Variants in DNAJC11 observed in about 807,000 individuals in gnomAD.
The protein encoded by DNAJC11 is DnaJ heat shock protein family (Hsp40) member C11, also known as dnaJ homolog subfamily C member 11.
A neutral mutation model predicts 78.6 loss-of-function variants in DNAJC11; 15 were observed. That is an observed-to-expected ratio of 0.19 (90% CI 0.13 to 0.29). The LOEUF (loss-of-function observed/expected upper bound fraction) is 0.29. Among genes scored for constraint, DNAJC11 ranks in the 10% least tolerant of loss-of-function variants. The pLI, the probability that DNAJC11 is intolerant of heterozygous loss-of-function variation, is 1.00. For missense variants in DNAJC11, 547 were observed against 709.6 expected, an observed-to-expected ratio of 0.77 and a Z score of 2.60; for synonymous variants, 292 against 272.1, an observed-to-expected ratio of 1.07 and a Z score of -0.72.
intron 4 of DNAJC11, among the ~76,000 whole-genome samples, chr1:6,661,513 T>C (rs950325490): frequency 8.9e-5 from 12 of 135,414 alleles, no homozygotes; most frequent in Non-Finnish European, 4.8e-5. Context: ...TCTATCCCGA[T>C]TGCCAAGACC....
intron 7 of DNAJC11, among the ~76,000 whole-genome samples, chr1:6,647,548 G>A (rs1221664627): frequency 6.6e-6 from 1 of 152,130 alleles, no homozygotes; most frequent in African/African-American, 2.4e-5. Flanking sequence ...GGCCGGGCGC[G>A]GTGGCTCACG....
chr1:6,656,685 C>T (rs1642131354), intron 4 of DNAJC11, among the ~76,000 whole-genome samples: 1 of 150,266 alleles, frequency 6.7e-6, no homozygotes, highest in East Asian at 1.9e-4. Flanking sequence ...TCGAGACCAG[C>T]CTAGGCAACA....
At chr1:6,654,114 C>A in intron 4 of DNAJC11, 75 bp from the exon 5 acceptor site, 1 of 1,558,624 alleles carries the variant, frequency 6.4e-7, no homozygotes, top group Admixed American at 1.7e-5. Context: ...ACTTCAACAG[C>A]CAGCTCGCTT....
intron 14 of DNAJC11, among the ~76,000 whole-genome samples, chr1:6,636,939 CCT>C (rs941838479): frequency 2.0e-5 from 3 of 152,198 alleles, no homozygotes; most frequent in African/African-American, 4.8e-5. Flanking sequence ...GCCTCAACCT[CCT>C]GGGCTCAACC....
chr1:6,644,523 C>A, intron 10 of DNAJC11, 35 bp downstream of exon 10: 1 of 1,408,508 alleles, frequency 7.1e-7, no homozygotes, highest in South Asian at 1.1e-5. Flanking sequence ...AGGTGACAGG[C>A]ATTCCTTGAC....
Position 6,640,012 on chromosome 1 carries a change from C to T in DNAJC11, c.1143G>A (p.Thr381=), listed in dbSNP as rs772623731. The T allele has an allele frequency of 7.5e-6, 12 of 1,604,714 alleles. No homozygotes were observed. The highest frequency in any genetic ancestry group is 4.1e-5 in the African/African-American group (3 of 72,420). ...ACATGGCGCTGGGCAGAAGCTGGTC[C>T]GTCAAGTGAATAGGGAAGAAGTATG... The part of the protein sequence containing the change: ...SQTYFFPIHL[T]DQLLPSAMFY... The change falls in exon 11 of 16, where the codon ACG becomes ACA. Residue 381 remains threonine, a synonymous_variant. Transcript: ENST00000377577.
chr1:6,638,383 A>G lies in DNAJC11; in HGVS notation c.1254-19T>C, dbSNP rs1317237686. The G allele has an allele frequency of 3.7e-6, 6 of 1,610,676 alleles. No homozygotes were observed. Among genetic ancestry groups the G allele is most frequent in the Non-Finnish European group, 5.1e-6 (6 of 1,178,210 alleles). ...CAATTCCCTTACGCGAGAGGAACAC[A>G]AGCCCCACGTTAGCGCGGCGCTGCC... is the stretch of plus-strand genomic sequence containing the variant. On this transcript the variant is annotated intron_variant, in intron 11 of 15. Coordinates refer to ENST00000377577, the MANE Select transcript of DNAJC11 (RefSeq NM_018198.4).
At chr1:6,643,958 C>T (rs995767525) in intron 10 of DNAJC11, among the ~76,000 whole-genome samples, 5 of 152,058 alleles carry the variant, frequency 3.3e-5, no homozygotes, top group African/African-American at 1.2e-4. Context: ...GCAAGCTCCG[C>T]CTCCTGGGTT....
intron 1 of DNAJC11, among the ~76,000 whole-genome samples, chr1:6,699,005 TA>T (rs1031570212): frequency 4.0e-5 from 6 of 149,656 alleles, no homozygotes; most frequent in African/African-American, 1.2e-4. Context: ...TCCTTAAGTC[TA>T]ATAACAGTGA....
intron 3 of DNAJC11, among the ~76,000 whole-genome samples, chr1:6,674,555 G>A (rs1308635698): frequency 1.3e-5 from 2 of 151,866 alleles, no homozygotes; most frequent in East Asian, 1.9e-4. Context: ...GCAAGACTCC[G>A]TCTCAAAAAA....
At chr1:6,643,547 T>A (rs146965267) in intron 10 of DNAJC11, among the ~76,000 whole-genome samples, 1 of 152,008 alleles carries the variant, frequency 6.6e-6, no homozygotes, top group East Asian at 1.9e-4. Context: ...AGTGCTGGGA[T>A]TACAGGTGTG....
intron 4 of DNAJC11, among the ~76,000 whole-genome samples, chr1:6,660,448 G>A (rs751681921): frequency 1.2e-4 from 18 of 152,028 alleles, no homozygotes; most frequent in Non-Finnish European, 1.8e-4. Flanking sequence ...GAGCCACCAC[G>A]CCCAGTCTTA....
At chr1:6,652,743 G>T in intron 6 of DNAJC11, 86 bp downstream of exon 6, 2 of 1,568,118 alleles carry the variant, frequency 1.3e-6, no homozygotes, top group South Asian at 2.3e-5. Flanking sequence ...CCCCCAGGGT[G>T]AGTTTGAGGG....
intron 3 of DNAJC11, among the ~76,000 whole-genome samples, chr1:6,673,773 C>T (rs538567889): frequency 1.3e-5 from 2 of 152,170 alleles, no homozygotes; most frequent in Non-Finnish European, 2.9e-5. Context: ...ACGAGGTGTC[C>T]TTAGTCTTCT....
intron 7 of DNAJC11, among the ~76,000 whole-genome samples, chr1:6,648,764 G>A (rs947970900): frequency 3.3e-5 from 5 of 152,110 alleles, no homozygotes; most frequent in Non-Finnish European, 5.9e-5. Context: ...CCCCCGAGGC[G>A]GCTTTTAACC....
At chr1:6,672,609 G>C (rs1395580276) in intron 3 of DNAJC11, among the ~76,000 whole-genome samples, 1 of 152,228 alleles carries the variant, frequency 6.6e-6, no homozygotes, top group Non-Finnish European at 1.5e-5. Flanking sequence ...AGCCTTTCTG[G>C]AGCGGTGAAG....
At chr1:6,691,825 G>C (rs1041992233) in intron 1 of DNAJC11, among the ~76,000 whole-genome samples, 8 of 152,190 alleles carry the variant, frequency 5.3e-5, no homozygotes, top group African/African-American at 1.7e-4. Context: ...TCTGTACCAG[G>C]CATATGCTGT....
intron 3 of DNAJC11, among the ~76,000 whole-genome samples, chr1:6,668,904 C>T (rs996469382): frequency 9.2e-5 from 14 of 151,874 alleles, no homozygotes; most frequent in African/African-American, 2.4e-4. Flanking sequence ...TAAGGTATTC[C>T]GGCCTGGCGC....
chr1:6,642,961 G>T (rs1443331127), intron 10 of DNAJC11, among the ~76,000 whole-genome samples: 1 of 152,184 alleles, frequency 6.6e-6, no homozygotes, highest in East Asian at 1.9e-4. Context: ...GAGAGAGAAG[G>T]GCTGTGCCCT....
Sources: allele counts gnomAD v4.1 joint callset (sites outside exome capture counted in the v4.1 genomes callset), GRCh38; gene constraint gnomAD v4.1.1; transcripts MANE v1.5; gene names NCBI Gene and HGNC (gene_info 2026-07-23, HGNC 2026-07-21).